TAFA5: variants seen among roughly 807,000 people sequenced by gnomAD.
TAFA5 encodes chemokine-like protein TAFA-5.
A neutral mutation model predicts 15.3 loss-of-function variants in TAFA5; 6 were observed. The observed-to-expected ratio is 0.39, with a 90% CI of 0.21 to 0.77. The LOEUF (loss-of-function observed/expected upper bound fraction) is 0.77, where lower values mean the gene tolerates loss of function less well. Ranked by LOEUF, TAFA5 falls within the 30% of genes least tolerant of loss-of-function variation. The pLI is 0.41. For missense variants in TAFA5, 161 were observed against 193.1 expected, an observed-to-expected ratio of 0.83 and a Z score of 0.98; for synonymous variants, 103 against 80.7, an observed-to-expected ratio of 1.28 and a Z score of -1.48.
chr22:48,733,592 A>G (rs1929927248), intron 3 of TAFA5, among the ~76,000 whole-genome samples: 1 of 152,230 alleles, frequency 6.6e-6, no homozygotes, highest in African/African-American at 2.4e-5. Context: ...GAAACTCTAG[A>G]GATTGGCTGA....
Position 48,610,274 on chromosome 22 carries a change from C to T in TAFA5, c.113-36323C>T, listed in dbSNP as rs570750566. Among the ~76,000 whole-genome samples, 34 of 152,268 alleles carry T rather than the reference C, an allele frequency of 2.2e-4. No homozygotes were observed. In the East Asian group the frequency reaches 5.8e-3, roughly 26 times the overall value. ...CCGGAGGCTGCATCCCAGCGTTTGG[C>T]ACAGTAATGGGTTCAGTCTTGCCCG... On this transcript the variant is annotated intron_variant, in intron 1 of 3. Coordinates refer to ENST00000402357, the MANE Select transcript of TAFA5 (RefSeq NM_001082967.3).
rs368822415 is a variant in TAFA5 at position 48,707,795 on chromosome 22, G to A, written c.341G>A (p.Arg114Gln). 4.0e-5 allele frequency: 65 copies of A among 1,613,720 alleles called. No individual in the cohort carries two copies. The highest frequency in any genetic ancestry group is 5.2e-5 in the Non-Finnish European group (61 of 1,179,874). The change falls in exon 3 of 4, where the codon CGG (arginine) becomes CAG (glutamine). Residue 114 changes from arginine (R) to glutamine (Q), a missense_variant. By Grantham distance (43) the Arg-to-Gln change is conservative (BLOSUM62 1). Coordinates refer to ENST00000402357, the MANE Select transcript of TAFA5 (RefSeq NM_001082967.3). ...EGEGCDLLIN[R>Q]SGWTCTQPGG... Reference sequence around the variant, plus strand: ...GAAGGCTGCGACTTGTTAATCAACCGGTCAGGCTGGACGTGCACGCAGCCC... The same window carrying A: ...GAAGGCTGCGACTTGTTAATCAACCAGTCAGGCTGGACGTGCACGCAGCCC...
chr22:48,506,971 G>T (rs188455291), intron 1 of TAFA5, among the ~76,000 whole-genome samples: 192 of 152,334 alleles, frequency 1.3e-3, no homozygotes, highest in African/African-American at 4.5e-3. Context: ...CACAGCAGAG[G>T]GGGGACTGGG....
At chr22:48,694,987 C>G (rs1475321999) in intron 2 of TAFA5, among the ~76,000 whole-genome samples, 1 of 151,922 alleles carries the variant, frequency 6.6e-6, no homozygotes, top group East Asian at 1.9e-4. Flanking sequence ...TTCAAACGTG[C>G]CCTGCAGAGA....
intron 1 of TAFA5, among the ~76,000 whole-genome samples, chr22:48,601,715 TCTC>T (rs758219582): frequency 6.6e-6 from 1 of 152,050 alleles, no homozygotes; most frequent in African/African-American, 2.4e-5. Context: ...AGAACCCAGT[TCTC>T]CTCCCTCCCC....
In TAFA5 at chr22:48,617,518, G is replaced by T. The variant is rs571253440; in HGVS notation, c.113-29079G>T. ...CTCCTGGAAGCATGCAGGCACTCCC[G>T]TCCCTGCCTCAGTGGCCCCGGAAGC... On this transcript the variant is annotated intron_variant, in intron 1 of 3. Transcript: ENST00000402357. Among the ~76,000 whole-genome samples, 7 of 152,272 alleles carry T rather than the reference G, an allele frequency of 4.6e-5. 1 individual carries two copies. In the South Asian group the frequency reaches 1.2e-3, roughly 27 times the overall value.
chr22:48,661,910 G>C (rs932400450), intron 2 of TAFA5, among the ~76,000 whole-genome samples: 3 of 147,522 alleles, frequency 2.0e-5, no homozygotes, highest in African/African-American at 5.0e-5. Flanking sequence ...ATGGTGACTG[G>C]GGGGCTCATT....
intron 1 of TAFA5, among the ~76,000 whole-genome samples, chr22:48,620,098 C>G (rs972638389): frequency 6.6e-6 from 1 of 152,218 alleles, no homozygotes; most frequent in African/African-American, 2.4e-5. Flanking sequence ...GGACCCGGGG[C>G]CCTGCTTCTC....
chr22:48,705,197 G>A (rs5771977), intron 2 of TAFA5, among the ~76,000 whole-genome samples: 14,664 of 152,136 alleles, frequency 0.096, 751 homozygotes, highest in Middle Eastern at 0.16. Context: ...AGCCATGCCC[G>A]GCTGGTGGAC....
chr22:48,634,417 T>G lies in TAFA5; in HGVS notation c.113-12180T>G, dbSNP rs146448982. On this transcript the variant is annotated intron_variant, in intron 1 of 3. Transcript: ENST00000402357. Reference sequence around the variant, plus strand: ...CTCATTTATTCACTCATTCACTCCTTTACTCATTCACTCACTCATTCATTA... The same window carrying G: ...CTCATTTATTCACTCATTCACTCCTGTACTCATTCACTCACTCATTCATTA... Among the ~76,000 whole-genome samples the G allele has an allele frequency of 3.5e-3, 525 of 152,152 alleles. 4 individuals carry two copies. The highest frequency in any genetic ancestry group is 0.012 in the African/African-American group (498 of 41,420).
At chr22:48,558,876 C>T (rs1923130236) in intron 1 of TAFA5, among the ~76,000 whole-genome samples, 1 of 152,224 alleles carries the variant, frequency 6.6e-6, no homozygotes, top group African/African-American at 2.4e-5. Flanking sequence ...CACTTGCCTC[C>T]GCCAGCTGCC....
At chr22:48,737,739 G>A (rs2147271456) in intron 3 of TAFA5, among the ~76,000 whole-genome samples, 1 of 152,316 alleles carries the variant, frequency 6.6e-6, no homozygotes, top group Middle Eastern at 3.4e-3. Flanking sequence ...CTGCTCCCTA[G>A]CGCTGGATGT....
intron 2 of TAFA5, among the ~76,000 whole-genome samples, chr22:48,677,587 C>T (rs531900263): frequency 6.6e-6 from 1 of 152,322 alleles, no homozygotes; most frequent in African/African-American, 2.4e-5. Context: ...CTGCTGCCTC[C>T]CTCCTGGGCC....
intron 1 of TAFA5, among the ~76,000 whole-genome samples, chr22:48,634,686 C>A (rs2147192541): frequency 6.6e-6 from 1 of 152,192 alleles, no homozygotes. Flanking sequence ...CTCAGTCAAT[C>A]ACTCAGTCAG....
intron 2 of TAFA5, among the ~76,000 whole-genome samples, chr22:48,650,548 C>T (rs942225505): frequency 1.3e-5 from 2 of 152,110 alleles, no homozygotes; most frequent in Admixed American, 6.6e-5. Flanking sequence ...GAGGAGCTCA[C>T]CAGAAATGCT....
intron 1 of TAFA5, among the ~76,000 whole-genome samples, chr22:48,603,641 G>A (rs1316961667): frequency 6.6e-6 from 1 of 152,204 alleles, no homozygotes; most frequent in Non-Finnish European, 1.5e-5. Flanking sequence ...CTGAGCCGAA[G>A]GGCAGGCACG....
At chr22:48,715,481 C>A (rs1339076835) in intron 3 of TAFA5, among the ~76,000 whole-genome samples, 1 of 152,026 alleles carries the variant, frequency 6.6e-6, no homozygotes, top group Admixed American at 6.5e-5. Flanking sequence ...TGGGGCGGGG[C>A]AGGGAGGTGA....
chr22:48,536,108 T>G (rs1280549217), intron 1 of TAFA5, among the ~76,000 whole-genome samples: 1 of 152,252 alleles, frequency 6.6e-6, no homozygotes, highest in Admixed American at 6.5e-5. Flanking sequence ...GGGTTGGTTT[T>G]CGTCTCCTGA....
chr22:48,624,752 A>G (rs1046448039), intron 1 of TAFA5, among the ~76,000 whole-genome samples: 1 of 152,134 alleles, frequency 6.6e-6, no homozygotes, highest in Non-Finnish European at 1.5e-5. Flanking sequence ...TAGTCTCAGA[A>G]ACAGCCGTTA....
Sources: allele counts gnomAD v4.1 joint callset (sites outside exome capture counted in the v4.1 genomes callset), GRCh38; gene constraint gnomAD v4.1.1; transcripts MANE v1.5; gene names NCBI Gene and HGNC (gene_info 2026-07-23, HGNC 2026-07-21).